The following SLMAP variants were observed in gnomAD, a reference collection of about 807,000 sequenced individuals.
SLMAP encodes the protein sarcolemma associated protein.
A neutral mutation model predicts 128.8 loss-of-function variants in SLMAP; 44 were observed. That is an observed-to-expected ratio of 0.34 (90% CI 0.27 to 0.44). The LOEUF (loss-of-function observed/expected upper bound fraction) is 0.44. SLMAP is among the 20% of genes least tolerant of loss of function. The pLI is 1.00. For missense variants in SLMAP, 787 were observed against 985.3 expected, an observed-to-expected ratio of 0.80 and a Z score of 2.69; for synonymous variants, 327 against 348.8, an observed-to-expected ratio of 0.94 and a Z score of 0.70.
At chr3:57,874,277 G>A (rs2095551979) in intron 14 of SLMAP, among the ~76,000 whole-genome samples, 1 of 152,090 alleles carries the variant, frequency 6.6e-6, no homozygotes, top group Non-Finnish European at 1.5e-5. Flanking sequence ...AGGCAACAGA[G>A]CAAATCCCCG....
intron 6 of SLMAP, among the ~76,000 whole-genome samples, chr3:57,853,827 G>A (rs1481068166): frequency 3.3e-5 from 5 of 149,956 alleles, no homozygotes; most frequent in African/African-American, 7.4e-5. Context: ...TGTAATCCCA[G>A]CTACTCGGGA....
chr3:57,784,168 G>C (rs926425230), intron 2 of SLMAP, among the ~76,000 whole-genome samples: 1 of 152,168 alleles, frequency 6.6e-6, no homozygotes, highest in South Asian at 2.1e-4. Flanking sequence ...GAAGCTGTGG[G>C]AATGAAGCAG....
chr3:57,835,617 C>T (rs2093604028), intron 3 of SLMAP, among the ~76,000 whole-genome samples: 1 of 151,890 alleles, frequency 6.6e-6, no homozygotes, highest in Admixed American at 6.6e-5. Context: ...CGCTGAATAA[C>T]CAGAGATACT....
intron 19 of SLMAP, among the ~76,000 whole-genome samples, chr3:57,910,960 A>T (rs949644496): frequency 6.6e-6 from 1 of 152,052 alleles, no homozygotes; most frequent in African/African-American, 2.4e-5. Context: ...TTAAAATTAG[A>T]ATTTTATTTT....
chr3:57,910,625 C>A (rs773708620), intron 19 of SLMAP, among the ~76,000 whole-genome samples: 1 of 152,170 alleles, frequency 6.6e-6, no homozygotes, highest in Non-Finnish European at 1.5e-5. Context: ...CAGAAAGACC[C>A]CTGCCTGTCG....
At chr3:57,842,198 G>A (rs1368503240) in intron 4 of SLMAP, among the ~76,000 whole-genome samples, 1 of 152,112 alleles carries the variant, frequency 6.6e-6, no homozygotes, top group Non-Finnish European at 1.5e-5. Flanking sequence ...ATTAAGCAGA[G>A]CGAGGCCCTC....
At chr3:57,811,354 G>A (rs550839675) in intron 2 of SLMAP, among the ~76,000 whole-genome samples, 10 of 152,202 alleles carry the variant, frequency 6.6e-5, no homozygotes. Context: ...GTCTTTTTGT[G>A]ACTGGCTTAC....
rs759443858 is a variant in SLMAP, at chr3:57,861,907, T to C, written c.829-42T>C. 1.5e-5 allele frequency: 23 copies of C among 1,541,766 alleles called. No homozygotes were observed. In the African/African-American group the frequency reaches 2.3e-4, roughly 16 times the overall value. On this transcript the variant is annotated intron_variant, in intron 9 of 24. Coordinates refer to ENST00000671191, the MANE Select transcript of SLMAP (RefSeq NM_001377540.1). The stretch of plus-strand genomic sequence containing the variant: ...TAGAAGGAATTCTAAATAACAAATA[T>C]ACACTTATTCTAATTAAATTGCCTG...
chr3:57,776,522 C>T (rs13062525), intron 2 of SLMAP, among the ~76,000 whole-genome samples: 62 of 92,596 alleles, frequency 6.7e-4, no homozygotes, highest in African/African-American at 1.8e-3. Flanking sequence ...CTCTCTCTCT[C>T]TTTTTTTTTT....
At chr3:57,805,980 G>A (rs557293380) in intron 2 of SLMAP, among the ~76,000 whole-genome samples, 1 of 151,616 alleles carries the variant, frequency 6.6e-6, no homozygotes, top group South Asian at 2.1e-4. Context: ...GTTGGGCCAA[G>A]TGCTCCTTTT....
intron 4 of SLMAP, among the ~76,000 whole-genome samples, chr3:57,843,481 A>G (rs2094064340): frequency 6.7e-6 from 1 of 149,408 alleles, no homozygotes; most frequent in Non-Finnish European, 1.5e-5. Context: ...AATTTTTTGT[A>G]CTTTTAGTAG....
chr3:57,920,321 G>A (rs1426192718), intron 22 of SLMAP, among the ~76,000 whole-genome samples: 1 of 152,182 alleles, frequency 6.6e-6, no homozygotes, highest in Non-Finnish European at 1.5e-5. Flanking sequence ...CTTGTTGTGG[G>A]AATGTTGTTA....
rs183188693 is a variant in SLMAP, at chr3:57,760,657, G to A, written c.198+2808G>A. Among the ~76,000 whole-genome samples the A allele has an allele frequency of 5.7e-4, 87 of 152,002 alleles. 1 individual carries two copies. Among genetic ancestry groups the A allele is most frequent in the African/African-American group, 2.1e-3 (85 of 41,438 alleles). On this transcript the variant is annotated intron_variant, in intron 2 of 24. Transcript: ENST00000671191. ...GGTTGCTTGAGCCCAGGAGTTTGAG[G>A]TTGCAGTGCTGTGATTATGCCACTG...
intron 2 of SLMAP, among the ~76,000 whole-genome samples, chr3:57,787,625 G>A (rs545972443): frequency 3.3e-5 from 5 of 152,212 alleles, no homozygotes; most frequent in East Asian, 1.9e-4. Context: ...ACAGGCATGC[G>A]CCACGATACC....
chr3:57,851,052 A>G (rs2094480317), intron 6 of SLMAP, among the ~76,000 whole-genome samples: 1 of 152,216 alleles, frequency 6.6e-6, no homozygotes, highest in Non-Finnish European at 1.5e-5. Context: ...CACTTTACCT[A>G]TATTATTTAA....
intron 14 of SLMAP, among the ~76,000 whole-genome samples, chr3:57,872,574 G>C (rs556794751): frequency 6.6e-6 from 1 of 152,266 alleles, no homozygotes; most frequent in East Asian, 1.9e-4. Context: ...AGCCGAGGTC[G>C]TGCCACTGCA....
chr3:57,815,602 A>G (rs2091750914), intron 2 of SLMAP, among the ~76,000 whole-genome samples: 1 of 152,072 alleles, frequency 6.6e-6, no homozygotes, highest in South Asian at 2.1e-4. Flanking sequence ...TCACCTGTAT[A>G]TATTAGAGTT....
chr3:57,912,911 A>G (rs2153691994), intron 20 of SLMAP, among the ~76,000 whole-genome samples: 1 of 152,298 alleles, frequency 6.6e-6, no homozygotes, highest in South Asian at 2.1e-4. Context: ...TTTATTTTAA[A>G]ATTGTTAAAA....
intron 2 of SLMAP, among the ~76,000 whole-genome samples, chr3:57,795,502 G>T (rs1440288056): frequency 6.6e-6 from 1 of 152,156 alleles, no homozygotes; most frequent in Non-Finnish European, 1.5e-5. Flanking sequence ...TCACGCCACT[G>T]CACTCCAGCC....
Sources: allele counts gnomAD v4.1 joint callset (sites outside exome capture counted in the v4.1 genomes callset), GRCh38; gene constraint gnomAD v4.1.1; transcripts MANE v1.5; gene names NCBI Gene and HGNC (gene_info 2026-07-23, HGNC 2026-07-21).